The following REXO5 variants were observed in gnomAD, a reference collection of about 807,000 sequenced individuals.
REXO5 encodes RNA exonuclease 5, also known as exonuclease NEF-sp.
A neutral mutation model predicts 88.5 loss-of-function variants in REXO5; 48 were observed. That is an observed-to-expected ratio of 0.54 (90% CI 0.43 to 0.69). The LOEUF is 0.69. Ranked by LOEUF, REXO5 falls within the 30% of genes least tolerant of loss-of-function variation. The pLI, the probability that REXO5 is intolerant of heterozygous loss-of-function variation, is 0.00. For synonymous variants in REXO5, 311 were observed against 336.5 expected (o/e 0.92, Z 0.83); for missense variants, 749 against 912.2 (o/e 0.82, Z 2.30).
At position 20,813,249 on chromosome 16, in the gene REXO5, G is replaced by A; in HGVS notation, c.198G>A (p.Leu66=). Residue 66 remains leucine (L), a synonymous_variant, in exon 3 of 20, where the codon CTG becomes CTA. Coordinates refer to ENST00000261377, the MANE Select transcript of REXO5 (RefSeq NM_030941.3). The stretch of plus-strand genomic sequence containing the variant: ...ACTGTGAAGTAACCCATGACCAGCT[G>A]TGTGAATTGCTGAAGTATGCAGTTC... ...TDNCEVTHDQ[L]CELLKYAVLG... is the part of the protein sequence containing the mutation. 6.2e-7 allele frequency: 1 copy of A among 1,613,826 alleles called. No homozygotes were observed. Among genetic ancestry groups the A allele is most frequent in the Non-Finnish European group, 8.5e-7 (1 of 1,179,954 alleles).
In REXO5 at chr16:20,813,303, G is replaced by A; in HGVS notation, c.251+1G>A. 6.4e-7 allele frequency: 1 copy of A among 1,568,334 alleles called. No individual in the cohort carries two copies. Among genetic ancestry groups the A allele is most frequent in the East Asian group, 2.2e-5 (1 of 44,508 alleles). ...GCAAATCCAATGTTCCAAAACCCAG[G>A]TATGAGATGAATTTAAATGGTGGGT... On this transcript the variant is annotated splice_donor_variant, in intron 3 of 19. Coordinates refer to ENST00000261377, the MANE Select transcript of REXO5 (RefSeq NM_030941.3). LOFTEE classifies it high-confidence loss of function.
At chr16:20,832,065 C>T (rs1487372684) in intron 11 of REXO5, 91 bp from the exon 12 acceptor site, 2 of 875,200 alleles carry the variant, frequency 2.3e-6, no homozygotes, top group East Asian at 2.6e-5. Flanking sequence ...GGATTTTTTG[C>T]TTTTTGTTGT....
chr16:20,827,072 CGAA>C lies in REXO5; in HGVS notation c.842_844del (p.Lys281del). 1.2e-6 allele frequency: 2 copies of C among 1,613,636 alleles called. No homozygotes were observed. Among genetic ancestry groups the C allele is most frequent in the Non-Finnish European group, 1.7e-6 (2 of 1,179,780 alleles). ...TTTAATGAAAGCTTTTCGGGAATCA[CGAA>C]GAAGATTCTTAACCCAGTGACGACC... On this transcript the variant is annotated inframe_deletion, in exon 9 of 20. Transcript: ENST00000261377.
chr16:20,840,826 A>T (rs563168330), intron 15 of REXO5, among the ~76,000 whole-genome samples: 1 of 152,258 alleles, frequency 6.6e-6, no homozygotes, highest in East Asian at 1.9e-4. Context: ...TAAAAACAAG[A>T]ATTAAGAAAT....
rs2152497194 is a variant in REXO5 at position 20,806,608 on chromosome 16, G to A, written c.-100G>A. 1 of 1,404,976 alleles carries A rather than the reference G, an allele frequency of 7.1e-7. No homozygotes were observed. Among genetic ancestry groups the A allele is most frequent in the Non-Finnish European group, 9.4e-7 (1 of 1,068,456 alleles). The allele number at this position is 1,404,976 out of a possible 1,614,324, so 87.0% of individuals were successfully genotyped here. A position where few individuals can be genotyped will look rare whatever the true frequency, so the allele number is the denominator to read the frequency against. ...TTCTGCGTTTCCCGGGCTAGGGGGC[G>A]TGGGGAGTGGTTTTAGGCGGCGAAG... is the stretch of plus-strand genomic sequence containing the variant. On this transcript the variant is annotated 5_prime_UTR_variant, in exon 1 of 20. The change creates a new upstream start codon in the 5' untranslated region. Transcript: ENST00000261377.
chr16:20,813,904 A>G (rs972236100), intron 3 of REXO5, among the ~76,000 whole-genome samples: 1 of 152,148 alleles, frequency 6.6e-6, no homozygotes, highest in African/African-American at 2.4e-5. Flanking sequence ...ACAAAAAAAA[A>G]AGAGAATCTT....
chr16:20,832,613 A>G (rs993866000), intron 12 of REXO5, among the ~76,000 whole-genome samples: 1 of 152,334 alleles, frequency 6.6e-6, no homozygotes, highest in East Asian at 1.9e-4. Context: ...TGTATTGCCC[A>G]GACTATGAAA....
At chr16:20,839,625 A>G in intron 13 of REXO5, 130 bp from the exon 14 acceptor site, 1 of 511,486 alleles carries the variant, frequency 2.0e-6, no homozygotes, top group African/African-American at 1.9e-5. Context: ...GCAGACCTGG[A>G]AGTCAGCCCC....
At chr16:20,849,310 T>C (rs979655290) in intron 19 of REXO5, 89 bp from the exon 20 acceptor site, 28 of 1,283,736 alleles carry the variant, frequency 2.2e-5, no homozygotes, top group Admixed American at 2.0e-4. Flanking sequence ...ACACACATAC[T>C]TGGAAAAATA....
chr16:20,841,809 T>C (rs926462149), intron 15 of REXO5, among the ~76,000 whole-genome samples: 8 of 152,150 alleles, frequency 5.3e-5, no homozygotes, highest in Non-Finnish European at 7.4e-5. Flanking sequence ...TTTCACCATA[T>C]TGGCCAGGCT....
Position 20,821,857 on chromosome 16 carries a change from C to A in REXO5, c.571C>A (p.Leu191Ile). The change falls in exon 6 of 20, where the codon CTT becomes ATT. Residue 191 changes from leucine to isoleucine, a missense_variant. Physicochemically the swap from Leu to Ile is conservative, Grantham distance 5. Transcript: ENST00000261377. ...GSKKVGLTRCLLTKEEMRTFH... is the reference protein window; with the variant it reads ...GSKKVGLTRCILTKEEMRTFH... ...TAAGAAAGTGGGCTTGACCAGATGC[C>A]TTCTGACAAAGGAGGAAATGAGAAC... 3 of 1,605,122 alleles carry A rather than the reference C, an allele frequency of 1.9e-6. No individual in the cohort carries two copies. Among genetic ancestry groups the A allele is most frequent in the Non-Finnish European group, 2.5e-6 (3 of 1,177,040 alleles).
At chr16:20,817,254 T>A (rs1232503895) in intron 5 of REXO5, among the ~76,000 whole-genome samples, 1 of 152,248 alleles carries the variant, frequency 6.6e-6, no homozygotes, top group Non-Finnish European at 1.5e-5. Context: ...TCTGTTGTTC[T>A]CTTCTTCTCA....
intron 12 of REXO5, 90 bp from the exon 13 acceptor site, chr16:20,832,913 C>T: frequency 8.3e-7 from 1 of 1,199,796 alleles, no homozygotes; most frequent in East Asian, 2.4e-5. Flanking sequence ...TTGCTAGTGG[C>T]TACCATATTG....
chr16:20,845,246 G>A lies in REXO5; in HGVS notation c.2124+5G>A, dbSNP rs780751451. On this transcript the variant is annotated splice_donor_5th_base_variant and intron_variant, in intron 18 of 19. Coordinates refer to ENST00000261377, the MANE Select transcript of REXO5 (RefSeq NM_030941.3). ...TTTGAACAGGAGGCCTTGCAGGTGA[G>A]TGAGTGAAGGCGTCTTGGAGAAGAT... The A allele has an allele frequency of 2.5e-6, 4 of 1,611,042 alleles. No individual in the cohort carries two copies. The South Asian group carries it at 3.3e-5, about 13-fold the overall frequency.
chr16:20,849,392 A>C lies in REXO5; in HGVS notation c.2244-7A>C, dbSNP rs2152514575. The C allele has an allele frequency of 6.2e-7, 1 of 1,611,460 alleles. No homozygotes were observed. Among genetic ancestry groups the C allele is most frequent in the Non-Finnish European group, 8.5e-7 (1 of 1,177,822 alleles). On this transcript the variant is annotated splice_region_variant and splice_polypyrimidine_tract_variant and intron_variant, in intron 19 of 19. Transcript: ENST00000261377. Reference sequence around the variant, plus strand: ...AAAAACATACCTTTGTTTCTTATTTATTGCAGCACTCATGGTTCACTCTCT... The same window carrying C: ...AAAAACATACCTTTGTTTCTTATTTCTTGCAGCACTCATGGTTCACTCTCT...
chr16:20,814,536 C>G (rs1452537920), intron 3 of REXO5, among the ~76,000 whole-genome samples: 1 of 152,074 alleles, frequency 6.6e-6, no homozygotes, highest in East Asian at 1.9e-4. Flanking sequence ...GTCACCGTGC[C>G]CAGCGAAAAC....
intron 15 of REXO5, among the ~76,000 whole-genome samples, chr16:20,841,233 TTA>T (rs2081522763): frequency 6.6e-6 from 1 of 152,216 alleles, no homozygotes; most frequent in Admixed American, 6.5e-5. Flanking sequence ...ACTTCACAAG[TTA>T]TGTCTCCATC....
intron 8 of REXO5, among the ~76,000 whole-genome samples, chr16:20,826,233 C>G (rs778805782): frequency 6.6e-6 from 1 of 152,206 alleles, no homozygotes; most frequent in Non-Finnish European, 1.5e-5. Flanking sequence ...AACTGCCAAA[C>G]AGCTAGAGCT....
At chr16:20,822,048 G>A (rs775396543) in intron 6 of REXO5, 146 bp downstream of exon 6, 14 of 818,294 alleles carry the variant, frequency 1.7e-5, no homozygotes, top group South Asian at 8.4e-5. Flanking sequence ...AAATATCTTC[G>A]GCACAGTGTA....
Sources: allele counts gnomAD v4.1 joint callset (sites outside exome capture counted in the v4.1 genomes callset), GRCh38; gene constraint gnomAD v4.1.1; transcripts MANE v1.5; gene names NCBI Gene and HGNC (gene_info 2026-07-23, HGNC 2026-07-21).